The following ZBTB20 variants were observed in gnomAD, a reference collection of about 807,000 sequenced individuals.
ZBTB20 encodes zinc finger and BTB domain-containing protein 20.
ZBTB20 carries 9 observed loss-of-function variants against 56.9 expected under a neutral mutation model. That is an observed-to-expected ratio of 0.16 (90% CI 0.10 to 0.28). The LOEUF is 0.28. Among genes scored for constraint, ZBTB20 ranks in the 10% least tolerant of loss-of-function variants. The pLI is 1.00. For missense variants in ZBTB20, 655 were observed against 1,003.0 expected (o/e 0.65, Z 4.69); for synonymous variants, 417 against 420.7 (o/e 0.99, Z 0.11).
At chr3:114,532,105 C>T (rs1192407504) in intron 6 of ZBTB20, among the ~76,000 whole-genome samples, 3 of 152,188 alleles carry the variant, frequency 2.0e-5, no homozygotes, top group African/African-American at 7.2e-5. Flanking sequence ...ATTTTTCATA[C>T]CCCAGTGGCA....
At chr3:115,051,620 A>G (rs748137817) in intron 2 of ZBTB20, among the ~76,000 whole-genome samples, 5 of 152,194 alleles carry the variant, frequency 3.3e-5, no homozygotes, top group Non-Finnish European at 5.9e-5. Context: ...TTGGCGAGAA[A>G]TCATTCTAGA....
At chr3:114,597,797 G>A (rs1410579886) in intron 6 of ZBTB20, among the ~76,000 whole-genome samples, 2 of 152,136 alleles carry the variant, frequency 1.3e-5, no homozygotes, top group Non-Finnish European at 2.9e-5. Flanking sequence ...TATACTTGGA[G>A]AATAAAGTTC....
At chr3:114,559,404 A>G (rs1417332271) in intron 6 of ZBTB20, among the ~76,000 whole-genome samples, 1 of 152,186 alleles carries the variant, frequency 6.6e-6, no homozygotes, top group Non-Finnish European at 1.5e-5. Flanking sequence ...GTATTGCACA[A>G]TTCTGGTCTG....
intron 8 of ZBTB20, among the ~76,000 whole-genome samples, chr3:114,386,486 C>T (rs189006385): frequency 1.5e-4 from 23 of 152,184 alleles, no homozygotes; most frequent in Middle Eastern, 6.8e-3. Flanking sequence ...GTAGAGACTG[C>T]CAGGTACTAG....
intron 4 of ZBTB20, among the ~76,000 whole-genome samples, chr3:114,875,251 TAAC>T (rs1385824575): frequency 1.1e-4 from 17 of 152,080 alleles, no homozygotes; most frequent in African/African-American, 3.6e-4. Context: ...ATAATAATAA[TAAC>T]AATAATAAGC....
At chr3:115,037,001 T>G (rs2080952076) in intron 2 of ZBTB20, among the ~76,000 whole-genome samples, 1 of 152,176 alleles carries the variant, frequency 6.6e-6, no homozygotes, top group Admixed American at 6.5e-5. Context: ...CAGGACAGTC[T>G]TTAAGGTTCA....
chr3:114,487,717 C>T (rs1007164415), intron 7 of ZBTB20, among the ~76,000 whole-genome samples: 4 of 152,188 alleles, frequency 2.6e-5, no homozygotes, highest in Non-Finnish European at 5.9e-5. Flanking sequence ...ACGGCAGAGG[C>T]GGAGGTGATG....
intron 4 of ZBTB20, among the ~76,000 whole-genome samples, chr3:114,819,435 C>A (rs73228340): frequency 3.3e-5 from 5 of 151,716 alleles, no homozygotes; most frequent in Non-Finnish European, 7.4e-5. Flanking sequence ...CTAAAAGATA[C>A]ACAAACTTAT....
At chr3:114,653,011 T>C (rs2060212334) in intron 6 of ZBTB20, among the ~76,000 whole-genome samples, 1 of 151,982 alleles carries the variant, frequency 6.6e-6, no homozygotes, top group South Asian at 2.1e-4. Context: ...CTAAATGCAC[T>C]GTTAGCTCTA....
At chr3:114,844,329 A>AT (rs2074542557) in intron 4 of ZBTB20, among the ~76,000 whole-genome samples, 5 of 79,404 alleles carry the variant, frequency 6.3e-5, no homozygotes, top group Admixed American at 1.8e-4. Context: ...TTACTGGAGT[A>AT]AATATATATA....
chr3:114,586,995 T>C (rs1317390320), intron 6 of ZBTB20, among the ~76,000 whole-genome samples: 3 of 137,334 alleles, frequency 2.2e-5, no homozygotes, highest in Admixed American at 7.2e-5. Flanking sequence ...CTCCCTTTTT[T>C]TTTTTTTTTT....
intron 6 of ZBTB20, among the ~76,000 whole-genome samples, chr3:114,583,755 TAACCA>T: frequency 6.6e-6 from 1 of 152,242 alleles, no homozygotes; most frequent in African/African-American, 2.4e-5. Flanking sequence ...TTAGTTGGTG[TAACCA>T]ATGTGAGGTC....
intron 1 of ZBTB20, among the ~76,000 whole-genome samples, chr3:115,116,600 T>C (rs986837434): frequency 6.6e-6 from 1 of 152,032 alleles, no homozygotes; most frequent in Non-Finnish European, 1.5e-5. Context: ...ACATACAAAG[T>C]GCAAGGCTCT....
At chr3:114,588,136 T>C (rs1490262126) in intron 6 of ZBTB20, among the ~76,000 whole-genome samples, 1 of 152,178 alleles carries the variant, frequency 6.6e-6, no homozygotes, top group Non-Finnish European at 1.5e-5. Flanking sequence ...TTGTCTGCTA[T>C]TCTGTTTTAG....
chr3:114,545,309 C>A (rs746330368), intron 6 of ZBTB20, among the ~76,000 whole-genome samples: 3 of 152,192 alleles, frequency 2.0e-5, no homozygotes, highest in Non-Finnish European at 2.9e-5. Flanking sequence ...CTGGAAATTG[C>A]CCTTCCCAGG....
intron 1 of ZBTB20, among the ~76,000 whole-genome samples, chr3:115,089,677 G>A (rs1054137007): frequency 6.6e-6 from 1 of 151,804 alleles, no homozygotes; most frequent in African/African-American, 2.4e-5. Context: ...TAGCAGCTGT[G>A]TGAATTTGGC....
rs1032846538 is a variant in ZBTB20 at position 114,330,625 on chromosome 3, C to T, written c.*8380G>A. Reference sequence around the variant, plus strand: ...CTTTTGGATATAGAAAGACAATATACATTTTAAAAAGTAATAACGACAAAA... The same window carrying T: ...CTTTTGGATATAGAAAGACAATATATATTTTAAAAAGTAATAACGACAAAA... On this transcript the variant is annotated 3_prime_UTR_variant, in exon 12 of 12. Coordinates refer to ENST00000675478, the MANE Select transcript of ZBTB20 (RefSeq NM_001348800.3). 1 of 152,112 alleles carries T rather than the reference C, an allele frequency of 6.6e-6. No homozygotes were observed. The highest frequency in any genetic ancestry group is 2.1e-4 in the South Asian group (1 of 4,828). The allele number at this position is 152,112 out of a possible 1,614,324, so 9.4% of individuals were successfully genotyped here. A position where few individuals can be genotyped will look rare whatever the true frequency, so the allele number is the denominator to read the frequency against.
chr3:114,684,191 C>T (rs775683118), intron 6 of ZBTB20, among the ~76,000 whole-genome samples: 27 of 152,294 alleles, frequency 1.8e-4, no homozygotes, highest in Admixed American at 3.9e-4. Flanking sequence ...AATCCTGACA[C>T]TCATTCACCA....
chr3:114,407,569 T>G (rs543682446), intron 7 of ZBTB20, among the ~76,000 whole-genome samples: 5 of 152,282 alleles, frequency 3.3e-5, no homozygotes, highest in Non-Finnish European at 7.4e-5. Context: ...GAGAGAGTCT[T>G]GGTAACTGAC....
Sources: allele counts gnomAD v4.1 joint callset (sites outside exome capture counted in the v4.1 genomes callset), GRCh38; gene constraint gnomAD v4.1.1; transcripts MANE v1.5; gene names NCBI Gene and HGNC (gene_info 2026-07-23, HGNC 2026-07-21).